PAK1: variants seen among roughly 807,000 people sequenced by gnomAD.
PAK1 encodes the protein serine/threonine-protein kinase PAK 1.
A neutral mutation model predicts 67.4 loss-of-function variants in PAK1; 29 were observed. The ratio of observed to expected loss-of-function variants is 0.43; its 90% CI spans 0.32 to 0.59. The LOEUF (loss-of-function observed/expected upper bound fraction) is 0.59. Ranked by LOEUF, PAK1 falls within the 20% of genes least tolerant of loss-of-function variation. PAK1 has a pLI of 0.07. For missense variants in PAK1, 337 were observed against 670.7 expected (o/e 0.50, Z 5.50); for synonymous variants, 223 against 237.4 (o/e 0.94, Z 0.56).
At chr11:77,525,310 A>T in the PAK1 span, among the ~76,000 whole-genome samples, 1 of 152,062 alleles carries the variant, frequency 6.6e-6, no homozygotes, top group Non-Finnish European at 1.5e-5. Context: ...AGCCTGGGTG[A>T]CAGAGCCAGA....
At chr11:77,481,960 C>A in the PAK1 span, among the ~76,000 whole-genome samples, 1 of 151,922 alleles carries the variant, frequency 6.6e-6, no homozygotes, top group Non-Finnish European at 1.5e-5. Flanking sequence ...ATGTTCATTT[C>A]TATTATCTTG....
chr11:77,470,860 C>G (rs183084093), intron 1 of PAK1, among the ~76,000 whole-genome samples: 1 of 152,116 alleles, frequency 6.6e-6, no homozygotes, highest in Non-Finnish European at 1.5e-5. Context: ...AACAAACAAA[C>G]GAACAAAAGA....
At chr11:77,374,801 G>A (rs1017855164) in intron 4 of PAK1, among the ~76,000 whole-genome samples, 4 of 152,138 alleles carry the variant, frequency 2.6e-5, no homozygotes, top group African/African-American at 9.7e-5. Context: ...CGTTACTGCA[G>A]GCAACTGTAA....
At chr11:77,518,028 T>C in the PAK1 span, among the ~76,000 whole-genome samples, 12 of 152,186 alleles carry the variant, frequency 7.9e-5, no homozygotes, top group Non-Finnish European at 1.5e-4. Flanking sequence ...TCTAGATTAT[T>C]CCAGACAATA....
chr11:77,515,726 C>A, the PAK1 span, among the ~76,000 whole-genome samples: 1 of 152,208 alleles, frequency 6.6e-6, no homozygotes, highest in Non-Finnish European at 1.5e-5. Flanking sequence ...AAATAAATAA[C>A]ATCCTTTTTT....
At chr11:77,351,564 CA>C (rs1288401715) in intron 8 of PAK1, among the ~76,000 whole-genome samples, 1 of 152,024 alleles carries the variant, frequency 6.6e-6, no homozygotes, top group African/African-American at 2.4e-5. Flanking sequence ...TTCAAACTCA[CA>C]AAAGTATGTC....
chr11:77,485,341 A>C, the PAK1 span, among the ~76,000 whole-genome samples: 1 of 152,226 alleles, frequency 6.6e-6, no homozygotes, highest in East Asian at 1.9e-4. Flanking sequence ...TGTAACATAA[A>C]GGACGAATGC....
intron 1 of PAK1, among the ~76,000 whole-genome samples, chr11:77,410,840 G>T (rs1338121706): frequency 6.6e-6 from 1 of 152,020 alleles, no homozygotes. Context: ...TGAGCTTCTT[G>T]GTGCCAGGTA....
intron 2 of PAK1, among the ~76,000 whole-genome samples, chr11:77,389,967 G>A (rs1950922867): frequency 6.6e-6 from 1 of 152,148 alleles, no homozygotes; most frequent in Admixed American, 6.5e-5. Context: ...AGACACTTGG[G>A]CTGAAAGCCT....
intron 1 of PAK1, among the ~76,000 whole-genome samples, chr11:77,429,091 A>AAAAAAC (rs1955734431): frequency 9.2e-6 from 1 of 108,394 alleles, no homozygotes; most frequent in Admixed American, 9.3e-5. Context: ...AAAAAAAAAA[A>AAAAAAC]AAACACACAC....
chr11:77,462,470 A>T (rs1308157747), intron 1 of PAK1, among the ~76,000 whole-genome samples: 1 of 152,012 alleles, frequency 6.6e-6, no homozygotes, highest in Non-Finnish European at 1.5e-5. Flanking sequence ...TCCTAATACC[A>T]GACATTGAAA....
rs186792363 is a variant in PAK1, at chr11:77,468,439, G to A, written c.-22+5113C>T. ...CAAAAACTAAAAGAATGGGAGAGAA[G>A]AGGAAGATATTCATGAAAGAAAAGG... On this transcript the variant is annotated intron_variant, in intron 1 of 14. Coordinates refer to ENST00000356341, the MANE Select transcript of PAK1 (RefSeq NM_002576.5). 3.9e-5 allele frequency among the ~76,000 whole-genome samples: 6 copies of A among 152,304 alleles called. No homozygotes were observed. The East Asian group carries it at 1.2e-3, about 29-fold the overall frequency.
chr11:77,341,629 A>G (rs1943620881), intron 10 of PAK1, among the ~76,000 whole-genome samples: 1 of 152,232 alleles, frequency 6.6e-6, no homozygotes, highest in African/African-American at 2.4e-5. Flanking sequence ...CTTACTATAG[A>G]ATCAGACAAA....
chr11:77,500,632 GCC>G, the PAK1 span, among the ~76,000 whole-genome samples: 7 of 152,044 alleles, frequency 4.6e-5, no homozygotes, highest in South Asian at 1.0e-3. Context: ...GATCATTTGA[GCC>G]CCAGAGTTCA....
intron 1 of PAK1, among the ~76,000 whole-genome samples, chr11:77,471,952 C>T (rs954794786): frequency 2.6e-5 from 4 of 152,180 alleles, no homozygotes; most frequent in Non-Finnish European, 4.4e-5. Flanking sequence ...ACTTGTAAAA[C>T]AGGTCCAGCA....
intron 9 of PAK1, 175 bp from the exon 10 acceptor site, chr11:77,344,106 G>A: frequency 3.7e-6 from 2 of 547,568 alleles, no homozygotes; most frequent in Non-Finnish European, 6.5e-6. Flanking sequence ...GAGGTCTCAA[G>A]CCAGCATCAT....
At chr11:77,505,996 C>T in the PAK1 span, among the ~76,000 whole-genome samples, 1 of 152,098 alleles carries the variant, frequency 6.6e-6, no homozygotes, top group Non-Finnish European at 1.5e-5. Context: ...AAGGGAGGAA[C>T]ATCAAGGCCT....
intron 1 of PAK1, among the ~76,000 whole-genome samples, chr11:77,406,067 C>T (rs568601893): frequency 6.6e-6 from 1 of 152,334 alleles, no homozygotes; most frequent in African/African-American, 2.4e-5. Context: ...TTTGCAGAAT[C>T]CTCCTTCTCC....
At chr11:77,366,389 C>T (rs972305939) in intron 5 of PAK1, among the ~76,000 whole-genome samples, 1 of 152,190 alleles carries the variant, frequency 6.6e-6, no homozygotes, top group Non-Finnish European at 1.5e-5. Flanking sequence ...AATTGTTAGG[C>T]TTCCAATATA....
Sources: allele counts gnomAD v4.1 joint callset (sites outside exome capture counted in the v4.1 genomes callset), GRCh38; gene constraint gnomAD v4.1.1; transcripts MANE v1.5; gene names NCBI Gene and HGNC (gene_info 2026-07-23, HGNC 2026-07-21).